The following SYN2 variants were observed in gnomAD, a reference collection of about 807,000 sequenced individuals.
The protein encoded by SYN2 is synapsin-2.
SYN2 carries 19 observed loss-of-function variants against 50.9 expected under a neutral mutation model. That is an observed-to-expected ratio of 0.37 (90% CI 0.26 to 0.55). SYN2 has a LOEUF of 0.55. Ranked by LOEUF, SYN2 falls within the 20% of genes least tolerant of loss-of-function variation. The pLI, the probability that SYN2 is intolerant of heterozygous loss-of-function variation, is 0.81. For missense variants in SYN2, 587 were observed against 576.4 expected (o/e 1.02, Z -0.19); for synonymous variants, 255 against 224.9 (o/e 1.13, Z -1.20).
chr3:12,045,562 A>G (rs1212008350), intron 1 of SYN2, among the ~76,000 whole-genome samples: 2 of 151,664 alleles, frequency 1.3e-5, no homozygotes, highest in African/African-American at 4.8e-5. Context: ...CACTAATAAC[A>G]ATCATTTGAT....
At chr3:12,058,049 A>G (rs1695033710) in intron 1 of SYN2, among the ~76,000 whole-genome samples, 1 of 152,138 alleles carries the variant, frequency 6.6e-6, no homozygotes. Flanking sequence ...GCACATACCT[A>G]GAATTTGATC....
intron 5 of SYN2, among the ~76,000 whole-genome samples, chr3:12,156,180 C>A (rs1253508037): frequency 6.6e-6 from 1 of 152,150 alleles, no homozygotes; most frequent in Non-Finnish European, 1.5e-5. Flanking sequence ...TTTTTCTTTC[C>A]CTTGCTTTCT....
intron 1 of SYN2, among the ~76,000 whole-genome samples, chr3:12,009,567 C>G (rs541333773): frequency 6.6e-6 from 1 of 152,208 alleles, no homozygotes; most frequent in African/African-American, 2.4e-5. Flanking sequence ...AAACTCACAT[C>G]TGACTCCATT....
chr3:12,173,285 T>C (rs1240093192), intron 10 of SYN2, among the ~76,000 whole-genome samples: 1 of 152,160 alleles, frequency 6.6e-6, no homozygotes, highest in African/African-American at 2.4e-5. Context: ...ACATTTTCTT[T>C]GGTTAAATTT....
intron 1 of SYN2, among the ~76,000 whole-genome samples, chr3:12,112,547 C>G (rs2125196043): frequency 6.6e-6 from 1 of 152,256 alleles, no homozygotes; most frequent in African/African-American, 2.4e-5. Flanking sequence ...TACTAAGAAT[C>G]TCTCACATTA....
Position 12,168,480 on chromosome 3 carries a change from TA to T in SYN2, c.1158+4del. On this transcript the variant is annotated splice_donor_region_variant and intron_variant, in intron 9 of 12. Coordinates refer to ENST00000621198, the MANE Select transcript of SYN2 (RefSeq NM_133625.6). ...GATGGGAAAGACTACATTTTTGAGGTAAGTCTGGACCAAGCAGTAAGAGGTA... is the reference window on the plus strand; with the variant it reads ...GATGGGAAAGACTACATTTTTGAGGTAGTCTGGACCAAGCAGTAAGAGGTA... 6.2e-7 allele frequency: 1 copy of T among 1,612,958 alleles called. No homozygotes were observed. Among genetic ancestry groups the T allele is most frequent in the Non-Finnish European group, 8.5e-7 (1 of 1,179,310 alleles).
At chr3:12,006,731 AACTC>A (rs1226047035) in intron 1 of SYN2, among the ~76,000 whole-genome samples, 2 of 152,188 alleles carry the variant, frequency 1.3e-5, no homozygotes, top group Non-Finnish European at 2.9e-5. Context: ...CTTTTAAGAG[AACTC>A]ACTCAAATTG....
rs371634274 is a variant in SYN2, at chr3:12,158,685, G to T, written c.775-2861G>T. The T allele has an allele frequency of 6.2e-5, 100 of 1,608,918 alleles. No homozygotes were observed. The African/African-American group carries it at 1.1e-3, about 17-fold the overall frequency. On this transcript the variant is annotated intron_variant, in intron 5 of 12. Transcript: ENST00000621198. ...ACAACCACCCCCTGCTGTGGACCTCGCGGACCTCGGACTCACCAAGTGCCG... is the reference window on the plus strand; with the variant it reads ...ACAACCACCCCCTGCTGTGGACCTCTCGGACCTCGGACTCACCAAGTGCCG...
rs562817065 is a variant in SYN2, at chr3:12,022,718, AT to A, written c.377+17800del. On this transcript the variant is annotated intron_variant, in intron 1 of 12. Coordinates refer to ENST00000621198, the MANE Select transcript of SYN2 (RefSeq NM_133625.6). Reference sequence around the variant, plus strand: ...CCACTGTGCCTGGCCTATTCTTTAAATTTTTTTTTTGTAGAGACAGAGTCTT... The same window carrying A: ...CCACTGTGCCTGGCCTATTCTTTAAATTTTTTTTTGTAGAGACAGAGTCTT... 5.9e-4 allele frequency among the ~76,000 whole-genome samples: 85 copies of A among 144,798 alleles called. 1 individual carries two copies. Among genetic ancestry groups the A allele is most frequent in the South Asian group, 1.5e-3 (7 of 4,542 alleles). 95.0% of individuals were successfully genotyped at this position (144,798 alleles called of 152,430 possible). A position where few individuals can be genotyped will look rare whatever the true frequency, so the allele number is the denominator to read the frequency against.
At chr3:12,012,421 T>G (rs1247413408) in intron 1 of SYN2, among the ~76,000 whole-genome samples, 1 of 152,220 alleles carries the variant, frequency 6.6e-6, no homozygotes, top group East Asian at 1.9e-4. Context: ...TTTCAGAATA[T>G]TTTTAAGCAA....
At chr3:12,185,252 A>C (rs1698314482) in intron 11 of SYN2, 8 of 985,810 alleles carry the variant, frequency 8.1e-6, no homozygotes, top group Non-Finnish European at 9.6e-6. Flanking sequence ...AGAATGGAGG[A>C]ATACATTATT....
intron 1 of SYN2, among the ~76,000 whole-genome samples, chr3:12,037,376 A>T (rs1694520970): frequency 6.6e-6 from 1 of 152,208 alleles, no homozygotes; most frequent in Admixed American, 6.5e-5. Context: ...TCTTTGCACC[A>T]ATTTTTATCT....
chr3:12,166,137 G>C (rs995434732), intron 7 of SYN2, among the ~76,000 whole-genome samples: 3 of 152,142 alleles, frequency 2.0e-5, no homozygotes, highest in Non-Finnish European at 4.4e-5. Flanking sequence ...GCCACCTCGT[G>C]GTTCTGAAAA....
At chr3:12,170,034 T>A in intron 10 of SYN2, 128 bp downstream of exon 10, 2 of 1,194,924 alleles carry the variant, frequency 1.7e-6, no homozygotes, top group Non-Finnish European at 2.3e-6. Context: ...TAAGGAGACA[T>A]CTCCCTCTTC....
chr3:12,113,318 T>C (rs1300699067), intron 1 of SYN2, among the ~76,000 whole-genome samples: 1 of 152,170 alleles, frequency 6.6e-6, no homozygotes, highest in Non-Finnish European at 1.5e-5. Flanking sequence ...ATGTTATATA[T>C]GATTTACATT....
At chr3:12,020,218 A>C (rs1694104471) in intron 1 of SYN2, among the ~76,000 whole-genome samples, 1 of 152,094 alleles carries the variant, frequency 6.6e-6, no homozygotes, top group Non-Finnish European at 1.5e-5. Flanking sequence ...TGTACCTGGA[A>C]ATTTATTTCT....
At chr3:12,134,429 G>A (rs1696854043) in intron 1 of SYN2, among the ~76,000 whole-genome samples, 2 of 152,176 alleles carry the variant, frequency 1.3e-5, no homozygotes, top group Admixed American at 6.5e-5. Context: ...GCAGTGTGCT[G>A]GGCCCCTGTA....
intron 5 of SYN2, chr3:12,153,740 G>A: frequency 6.2e-7 from 1 of 1,610,894 alleles, no homozygotes; most frequent in South Asian, 1.1e-5. Context: ...CAACATTAAA[G>A]TGAGTAGGGT....
rs1272116538 is a variant in SYN2, at chr3:12,155,450, G to C, written c.774+4124G>C. Reference sequence around the variant, plus strand: ...GAGTGGGAGTCTGCCTACCAAACAGGTTGGGGGAAGGGCTTCCTGTCATTG... The same window carrying C: ...GAGTGGGAGTCTGCCTACCAAACAGCTTGGGGGAAGGGCTTCCTGTCATTG... On this transcript the variant is annotated intron_variant, in intron 5 of 12. Transcript: ENST00000621198. Among the ~76,000 whole-genome samples, 4 of 152,216 alleles carry C rather than the reference G, an allele frequency of 2.6e-5. No homozygotes were observed. The East Asian group carries it at 7.7e-4, about 29-fold the overall frequency.
Sources: gnomAD v4.1 joint callset for allele counts (sites outside exome capture counted in the v4.1 genomes callset) on GRCh38, gnomAD v4.1.1 for gene constraint, MANE v1.5 for transcripts, NCBI Gene and HGNC (gene_info 2026-07-23, HGNC 2026-07-21) for gene names.